Variants in AFG2A observed in about 807,000 individuals in gnomAD.
AFG2A encodes the protein AAA ATPase AFG2A.
the AFG2A span, among the ~76,000 whole-genome samples, chr4:122,954,044 T>C: frequency 6.6e-5 from 10 of 152,220 alleles, no homozygotes; most frequent in Non-Finnish European, 1.2e-4. Context: ...TTCCAGATGA[T>C]GTCCTGCAAT....
At chr4:123,030,710 G>A in the AFG2A span, among the ~76,000 whole-genome samples, 1 of 151,966 alleles carries the variant, frequency 6.6e-6, no homozygotes, top group African/African-American at 2.4e-5. Flanking sequence ...ATGAATGATG[G>A]GTTTTTATTT....
the AFG2A span, among the ~76,000 whole-genome samples, chr4:123,004,168 A>G: frequency 4.6e-5 from 7 of 152,334 alleles, no homozygotes; most frequent in South Asian, 8.3e-4. Flanking sequence ...GGAAAAGGGC[A>G]GTGTTCAGGT....
At chr4:123,183,552 C>T in the AFG2A span, among the ~76,000 whole-genome samples, 195 of 152,252 alleles carry the variant, frequency 1.3e-3, 1 homozygote, top group Middle Eastern at 0.027. Context: ...ATAGAGTATT[C>T]ACTCTGTAGT....
the AFG2A span, among the ~76,000 whole-genome samples, chr4:123,304,535 A>G: frequency 6.6e-6 from 1 of 152,248 alleles, no homozygotes; most frequent in East Asian, 1.9e-4. Context: ...CTGCACCACA[A>G]TCATCGCCAG....
chr4:123,085,260 A>AT, the AFG2A span, among the ~76,000 whole-genome samples: 1 of 152,042 alleles, frequency 6.6e-6, no homozygotes, highest in South Asian at 2.1e-4. Flanking sequence ...GTTCTTATTG[A>AT]TTTTTTTGCC....
At chr4:123,295,400 A>G in the AFG2A span, among the ~76,000 whole-genome samples, 1 of 152,382 alleles carries the variant, frequency 6.6e-6, no homozygotes, top group Non-Finnish European at 1.5e-5. Flanking sequence ...TGAGACTTTG[A>G]CTGACATAAA....
At chr4:123,096,248 T>A in the AFG2A span, among the ~76,000 whole-genome samples, 3 of 151,674 alleles carry the variant, frequency 2.0e-5, no homozygotes, top group African/African-American at 7.3e-5. Context: ...TGCGTAAGAG[T>A]GATAGGATGC....
At chr4:123,289,438 A>G in the AFG2A span, among the ~76,000 whole-genome samples, 2 of 152,202 alleles carry the variant, frequency 1.3e-5, no homozygotes, top group Non-Finnish European at 2.9e-5. Context: ...GGTTGATTCC[A>G]TACCCTTGTG....
At chr4:123,043,824 C>T in the AFG2A span, among the ~76,000 whole-genome samples, 5 of 152,210 alleles carry the variant, frequency 3.3e-5, no homozygotes, top group Non-Finnish European at 7.3e-5. Flanking sequence ...AAGGAGGACT[C>T]TGGTGAAGCT....
the AFG2A span, among the ~76,000 whole-genome samples, chr4:123,271,739 C>T: frequency 0.79 from 120,611 of 152,166 alleles, 48,472 homozygotes; most frequent in Non-Finnish European, 0.86. Context: ...CCATTGTTCA[C>T]GTGATGGAAC....
At chr4:122,981,705 T>C in the AFG2A span, among the ~76,000 whole-genome samples, 3 of 152,050 alleles carry the variant, frequency 2.0e-5, no homozygotes, top group African/African-American at 7.2e-5. Flanking sequence ...CAGTATTTTA[T>C]AGTTTTCAGT....
the AFG2A span, among the ~76,000 whole-genome samples, chr4:123,175,652 T>C: frequency 2.0e-5 from 3 of 152,242 alleles, no homozygotes; most frequent in Non-Finnish European, 4.4e-5. Context: ...ACATATTCTA[T>C]TGAAACACAT....
At chr4:123,075,344 T>C in the AFG2A span, among the ~76,000 whole-genome samples, 1 of 151,682 alleles carries the variant, frequency 6.6e-6, no homozygotes, top group Admixed American at 6.6e-5. Context: ...ATGTTTCTGT[T>C]TGTGAAATGA....
the AFG2A span, among the ~76,000 whole-genome samples, chr4:123,105,210 T>A: frequency 6.6e-6 from 1 of 152,216 alleles, no homozygotes; most frequent in Non-Finnish European, 1.5e-5. Context: ...AAGTCTACTC[T>A]GCCTGTGCTC....
At chr4:123,225,967 G>A in the AFG2A span, among the ~76,000 whole-genome samples, 1 of 152,112 alleles carries the variant, frequency 6.6e-6, no homozygotes, top group Non-Finnish European at 1.5e-5. Flanking sequence ...TATTCTCTTT[G>A]AAGAAATTGT....
chr4:122,940,047 T>A, the AFG2A span, among the ~76,000 whole-genome samples: 1 of 152,158 alleles, frequency 6.6e-6, no homozygotes, highest in South Asian at 2.1e-4. Context: ...GACATTTGGG[T>A]TGGTTCCAAG....
At chr4:123,077,548 T>C in the AFG2A span, among the ~76,000 whole-genome samples, 2 of 152,284 alleles carry the variant, frequency 1.3e-5, no homozygotes, top group Admixed American at 1.3e-4. Flanking sequence ...GCAGCAAGAA[T>C]ATCTGTATGT....
At chr4:123,083,165 T>G in the AFG2A span, among the ~76,000 whole-genome samples, 1 of 152,140 alleles carries the variant, frequency 6.6e-6, no homozygotes, top group African/African-American at 2.4e-5. Context: ...TAGTGTGATG[T>G]TGAAAAGGAA....
the AFG2A span, among the ~76,000 whole-genome samples, chr4:123,123,107 T>C: frequency 1.3e-5 from 2 of 152,146 alleles, no homozygotes; most frequent in African/African-American, 4.8e-5. Context: ...AATCATAAAA[T>C]ATAACTACTG....
Sources: gnomAD v4.1 joint callset for allele counts (sites outside exome capture counted in the v4.1 genomes callset) on GRCh38, gnomAD v4.1.1 for gene constraint, MANE v1.5 for transcripts, NCBI Gene and HGNC (gene_info 2026-07-23, HGNC 2026-07-21) for gene names.